RSRC1: variants seen among roughly 807,000 people sequenced by gnomAD.
RSRC1 encodes serine/Arginine-related protein 53.
A neutral mutation model predicts 49.1 loss-of-function variants in RSRC1; 39 were observed. The ratio of observed to expected loss-of-function variants is 0.79; its 90% CI spans 0.61 to 1.04. The LOEUF (loss-of-function observed/expected upper bound fraction) is 1.04. RSRC1 is among the 50% of genes least tolerant of loss of function. RSRC1 has a pLI of 0.00. For synonymous variants in RSRC1, 143 were observed against 130.8 expected, an observed-to-expected ratio of 1.09 and a Z score of -0.63; for missense variants, 388 against 402.4, an observed-to-expected ratio of 0.96 and a Z score of 0.31.
rs191528049 is a variant in RSRC1, at chr3:158,469,159, A to G, written c.652+8156A>G. Among the ~76,000 whole-genome samples, 3 of 152,250 alleles carry G rather than the reference A, an allele frequency of 2.0e-5. No individual in the cohort carries two copies. The East Asian group carries it at 5.8e-4, about 29-fold the overall frequency. ...AAGGCCAGTTCTTGATAATGATAGT[A>G]ACATATCATCTATATGAGGGAAAAT... On this transcript the variant is annotated intron_variant, in intron 7 of 9. Transcript: ENST00000611884.
Position 158,499,862 on chromosome 3 carries a change from T to C in RSRC1, c.653-37230T>C, listed in dbSNP as rs541516373. Among the ~76,000 whole-genome samples, 7 of 152,306 alleles carry C rather than the reference T, an allele frequency of 4.6e-5. No individual in the cohort carries two copies. In the East Asian group the frequency reaches 1.4e-3, roughly 29 times the overall value. ...CTATTTGGATGCCCTTTATTTCCTT[T>C]TCTTGTCTGATTGCTCTGGCTATGA... On this transcript the variant is annotated intron_variant, in intron 7 of 9. Coordinates refer to ENST00000611884, the MANE Select transcript of RSRC1 (RefSeq NM_001271838.2).
chr3:158,136,957 CTG>C (rs1240399997), intron 3 of RSRC1: 1 of 152,108 alleles, frequency 6.6e-6, no homozygotes, highest in Non-Finnish European at 1.5e-5. Context: ...TGTAAGGACA[CTG>C]TTAAATAAAT....
chr3:158,255,496 C>T (rs1283564664), intron 4 of RSRC1, among the ~76,000 whole-genome samples: 3 of 152,140 alleles, frequency 2.0e-5, no homozygotes, highest in East Asian at 3.9e-4. Context: ...AGTCAGGTAG[C>T]ATGATGCCTC....
intron 6 of RSRC1, among the ~76,000 whole-genome samples, chr3:158,414,485 A>T (rs1284964325): frequency 6.6e-6 from 1 of 152,076 alleles, no homozygotes; most frequent in Non-Finnish European, 1.5e-5. Context: ...GGTGCAGCAA[A>T]CCCACTGTGG....
intron 4 of RSRC1, among the ~76,000 whole-genome samples, chr3:158,223,242 A>T (rs2108299918): frequency 6.6e-6 from 1 of 151,574 alleles, no homozygotes; most frequent in East Asian, 2.0e-4. Flanking sequence ...CACTCCTCTG[A>T]TGTCTTTTGC....
intron 4 of RSRC1, among the ~76,000 whole-genome samples, chr3:158,212,390 C>CT (rs1371210768): frequency 6.6e-6 from 1 of 151,606 alleles, no homozygotes; most frequent in Non-Finnish European, 1.5e-5. Flanking sequence ...TCCTATGTAA[C>CT]TTTCACTTTT....
intron 5 of RSRC1, among the ~76,000 whole-genome samples, chr3:158,327,491 C>T (rs1231910050): frequency 2.6e-5 from 4 of 152,158 alleles, no homozygotes; most frequent in East Asian, 1.9e-4. Flanking sequence ...CATTATGTAT[C>T]GAGTAGTCAT....
chr3:158,175,105 T>C (rs930430057), intron 3 of RSRC1, among the ~76,000 whole-genome samples: 1 of 152,142 alleles, frequency 6.6e-6, no homozygotes, highest in Non-Finnish European at 1.5e-5. Flanking sequence ...TAGTTGGCCA[T>C]GTGGATAATC....
intron 5 of RSRC1, among the ~76,000 whole-genome samples, chr3:158,317,009 G>A (rs1728503187): frequency 6.6e-6 from 1 of 152,204 alleles, no homozygotes; most frequent in African/African-American, 2.4e-5. Flanking sequence ...CATGAGTACA[G>A]CAGCAGTAGA....
chr3:158,541,747 T>C (rs189837513), intron 8 of RSRC1, among the ~76,000 whole-genome samples: 1 of 152,190 alleles, frequency 6.6e-6, no homozygotes, highest in Non-Finnish European at 1.5e-5. Context: ...CATCTTGTTT[T>C]TTTTTAATTT....
chr3:158,504,359 A>C (rs550196020), intron 7 of RSRC1, among the ~76,000 whole-genome samples: 1 of 152,318 alleles, frequency 6.6e-6, no homozygotes, highest in African/African-American at 2.4e-5. Flanking sequence ...CTGTCTGTCC[A>C]TCCAGGTCGG....
intron 4 of RSRC1, among the ~76,000 whole-genome samples, chr3:158,260,001 G>A (rs1724798468): frequency 6.6e-6 from 1 of 152,100 alleles, no homozygotes; most frequent in African/African-American, 2.4e-5. Context: ...CCCAAGGCAG[G>A]TCCAGAAATG....
Position 158,446,341 on chromosome 3 carries a change from C to G in RSRC1, c.584-14594C>G, listed in dbSNP as rs972931369. On this transcript the variant is annotated intron_variant, in intron 6 of 9. Transcript: ENST00000611884. ...TGAAATGAGAGAAATTTCAAGAGTA[C>G]TATACTGTGTTACTTTTTTTGGATA... Among the ~76,000 whole-genome samples, 5 of 147,600 alleles carry G rather than the reference C, an allele frequency of 3.4e-5. No homozygotes were observed. The Admixed American group carries it at 3.4e-4, about 10-fold the overall frequency.
chr3:158,446,959 G>A (rs1736754634), intron 6 of RSRC1, among the ~76,000 whole-genome samples: 1 of 151,966 alleles, frequency 6.6e-6, no homozygotes, highest in Non-Finnish European at 1.5e-5. Flanking sequence ...GCTACAATGT[G>A]TCATCCAACG....
intron 6 of RSRC1, among the ~76,000 whole-genome samples, chr3:158,442,063 CTT>C (rs1736407347): frequency 6.6e-6 from 1 of 152,066 alleles, no homozygotes; most frequent in African/African-American, 2.4e-5. Flanking sequence ...ATGTACATGA[CTT>C]AATTAAAAAA....
At chr3:158,179,875 TC>T (rs1559931595) in intron 3 of RSRC1, among the ~76,000 whole-genome samples, 1 of 152,176 alleles carries the variant, frequency 6.6e-6, no homozygotes, top group African/African-American at 2.4e-5. Context: ...CTATCCAGTT[TC>T]TCTGTGTCCA....
intron 6 of RSRC1, among the ~76,000 whole-genome samples, chr3:158,388,310 A>G (rs1458250406): frequency 6.6e-6 from 1 of 152,064 alleles, no homozygotes; most frequent in Non-Finnish European, 1.5e-5. Context: ...AAACATATTT[A>G]TGGAAAAATA....
At chr3:158,196,155 G>A (rs1720596693) in intron 3 of RSRC1, among the ~76,000 whole-genome samples, 1 of 133,462 alleles carries the variant, frequency 7.5e-6, no homozygotes, top group Admixed American at 7.9e-5. Flanking sequence ...CCATTTGTTT[G>A]TATTCTCTTT....
intron 6 of RSRC1, among the ~76,000 whole-genome samples, chr3:158,377,232 A>C (rs1384487801): frequency 6.6e-6 from 1 of 152,178 alleles, no homozygotes; most frequent in African/African-American, 2.4e-5. Context: ...TAATTTCTTC[A>C]AATGTACACT....
Sources: allele counts gnomAD v4.1 joint callset (sites outside exome capture counted in the v4.1 genomes callset), GRCh38; gene constraint gnomAD v4.1.1; transcripts MANE v1.5; gene names NCBI Gene and HGNC (gene_info 2026-07-23, HGNC 2026-07-21).